Variants in MYO9A observed in about 807,000 individuals in gnomAD.
The protein encoded by MYO9A is unconventional myosin-IXa.
Under a neutral mutation model 293.3 loss-of-function variants are expected in MYO9A, and 103 were observed. The observed-to-expected ratio is 0.35, with a 90% confidence interval of 0.30 to 0.41. The LOEUF (loss-of-function observed/expected upper bound fraction) is 0.41, where lower values mean the gene tolerates loss of function less well. MYO9A is among the 10% of genes least tolerant of loss of function. The probability of loss-of-function intolerance (pLI) is 1.00; values close to 1 mark genes in which losing one functional copy is unlikely to be tolerated. For synonymous variants in MYO9A, 1,001 were observed against 1,035.7 expected (o/e 0.97, Z 0.64); for missense variants, 2,685 against 3,033.0 (o/e 0.89, Z 2.69).
intron 9 of MYO9A, among the ~76,000 whole-genome samples, chr15:71,998,389 C>T (rs988365745): frequency 1.3e-4 from 19 of 151,986 alleles, no homozygotes; most frequent in Non-Finnish European, 2.1e-4. Context: ...TACAACAAAC[C>T]CCCATGACAC....
At chr15:71,916,336 A>G in intron 19 of MYO9A, 34 bp downstream of exon 19, 1 of 1,598,210 alleles carries the variant, frequency 6.3e-7, no homozygotes, top group Non-Finnish European at 8.5e-7. Flanking sequence ...AAAGATACAG[A>G]TTCTTATTTG....
intron 13 of MYO9A, among the ~76,000 whole-genome samples, chr15:71,965,714 G>C (rs1186474587): frequency 6.6e-6 from 1 of 152,168 alleles, no homozygotes; most frequent in African/African-American, 2.4e-5. Flanking sequence ...ACTTCAGCCT[G>C]GCAAAAGAGC....
intron 11 of MYO9A, among the ~76,000 whole-genome samples, chr15:71,981,639 T>TTCTCTCTC (rs1485033171): frequency 7.4e-6 from 1 of 134,326 alleles, no homozygotes; most frequent in African/African-American, 2.8e-5. Context: ...TCTCTCTGTC[T>TTCTCTCTC]TGTCTCTCTC....
At chr15:71,849,152 T>C (rs2055521673) in intron 38 of MYO9A, among the ~76,000 whole-genome samples, 184 bp from the exon 39 acceptor site, 1 of 152,170 alleles carries the variant, frequency 6.6e-6, no homozygotes, top group African/African-American at 2.4e-5. Context: ...TTAGAAGCCA[T>C]CTAAAGAGCA....
intron 8 of MYO9A, among the ~76,000 whole-genome samples, chr15:72,006,256 TTTG>T (rs937643932): frequency 6.7e-5 from 10 of 150,214 alleles, no homozygotes; most frequent in African/African-American, 2.5e-4. Flanking sequence ...GTGTTTTTTT[TTTG>T]TTGTTGTTGT....
rs3028363 is a variant in MYO9A, at chr15:72,108,762, AT to A, written c.-72+8917del. Among the ~76,000 whole-genome samples, 26 of 139,224 alleles carry A rather than the reference AT, an allele frequency of 1.9e-4. 6 individuals carry two copies. Among genetic ancestry groups the A allele is most frequent in the Non-Finnish European group, 2.3e-4 (15 of 65,272 alleles). 91.3% of individuals were successfully genotyped at this position (139,224 alleles called of 152,430 possible). A position where few individuals can be genotyped will look rare whatever the true frequency, so the allele number is the denominator to read the frequency against. ...GCAGTAAACTTGTCATGACACATAC[AT>A]TTTTTTTTTTTTTTTTGAGACAGAG... On this transcript the variant is annotated intron_variant, in intron 1 of 41. Transcript: ENST00000356056.
intron 2 of MYO9A, among the ~76,000 whole-genome samples, chr15:72,036,967 A>C (rs1233642275): frequency 6.6e-6 from 1 of 151,888 alleles, no homozygotes; most frequent in Non-Finnish European, 1.5e-5. Context: ...TCCTGGGCTC[A>C]AGTGATCCAC....
At chr15:71,994,833 A>C (rs2076651863) in intron 9 of MYO9A, among the ~76,000 whole-genome samples, 1 of 152,232 alleles carries the variant, frequency 6.6e-6, no homozygotes, top group South Asian at 2.1e-4. Context: ...CCTGGGTTCA[A>C]GTGATTCTAC....
intron 32 of MYO9A, among the ~76,000 whole-genome samples, chr15:71,870,431 T>G (rs1008813753): frequency 2.0e-5 from 3 of 152,206 alleles, no homozygotes; most frequent in African/African-American, 7.2e-5. Flanking sequence ...TAAGACTTTT[T>G]AGAGTCATGT....
intron 21 of MYO9A, 128 bp downstream of exon 21, chr15:71,903,801 T>C (rs972214199): frequency 1.3e-6 from 1 of 777,888 alleles, no homozygotes; most frequent in African/African-American, 1.7e-5. Context: ...CAATTCCGTA[T>C]ACAAAACGTG....
intron 1 of MYO9A, among the ~76,000 whole-genome samples, chr15:72,098,096 AC>A (rs753075899): frequency 9.2e-5 from 14 of 152,228 alleles, no homozygotes; most frequent in East Asian, 7.7e-4. Flanking sequence ...TCCCACACAT[AC>A]TTTTACAATG....
At position 71,935,341 on chromosome 15, in the gene MYO9A, G is replaced by T; in HGVS notation, c.2522C>A (p.Thr841Lys). 1 of 1,612,836 alleles carries T rather than the reference G, an allele frequency of 6.2e-7. No individual in the cohort carries two copies. The highest frequency in any genetic ancestry group is 8.5e-7 in the Non-Finnish European group (1 of 1,179,246). The change falls in exon 17 of 42, where the codon ACG becomes AAG. Residue 841 changes from threonine to lysine, a missense_variant and splice_region_variant. Thr to Lys is a moderately conservative substitution (Grantham distance 78, BLOSUM62 -1). This residue lies in a region of MYO9A where 1,434 missense variants were observed against 1,497.7 expected (regional missense o/e 0.96). Coordinates refer to ENST00000356056, the MANE Select transcript of MYO9A (RefSeq NM_006901.4). ...ATTTACATTACTGATTAGTACTGAC[G>T]TGAGAATTCCATGGGCTCTCTCCAG... ...KLLERAHGIL[T>K]RNKNFKSKPA...
intron 11 of MYO9A, among the ~76,000 whole-genome samples, chr15:71,988,810 A>AT (rs2076467836): frequency 6.6e-6 from 1 of 152,178 alleles, no homozygotes; most frequent in African/African-American, 2.4e-5. Flanking sequence ...ATGTAAACCT[A>AT]TTACTGATTT....
chr15:71,870,226 A>G (rs2056464369), intron 32 of MYO9A, among the ~76,000 whole-genome samples: 1 of 152,180 alleles, frequency 6.6e-6, no homozygotes. Flanking sequence ...AAAAAAAAAA[A>G]AAGTGGTAAA....
At position 71,910,143 on chromosome 15, in the gene MYO9A, CGTGTGT is replaced by C. The variant is rs1225708540; in HGVS notation, c.2686-5143_2686-5138del. Among the ~76,000 whole-genome samples, 437 of 107,900 alleles carry C rather than the reference CGTGTGT, an allele frequency of 4.1e-3. 1 individual carries two copies. The highest frequency in any genetic ancestry group is 6.3e-3 in the Non-Finnish European group (327 of 52,256). 70.8% of individuals were successfully genotyped at this position (107,900 alleles called of 152,430 possible). On this transcript the variant is annotated intron_variant, in intron 19 of 41. Transcript: ENST00000356056. ...ATATATACACGTGTATATATATATACGTGTGTGTGTATATATATATACGTGTATATA... is the reference window on the plus strand; with the variant it reads ...ATATATACACGTGTATATATATATACGTGTATATATATATACGTGTATATA...
At chr15:72,090,954 G>C (rs991017427) in intron 1 of MYO9A, among the ~76,000 whole-genome samples, 1 of 149,916 alleles carries the variant, frequency 6.7e-6, no homozygotes, top group African/African-American at 2.4e-5. Flanking sequence ...TTGAGCCCAC[G>C]AGTTCAAGAA....
At chr15:72,020,840 G>T in intron 5 of MYO9A, 78 bp downstream of exon 5, 1 of 822,328 alleles carries the variant, frequency 1.2e-6, no homozygotes, top group Non-Finnish European at 1.8e-6. Context: ...GTTTGAGAAA[G>T]TACTAGAAAA....
At chr15:71,886,282 G>C (rs1000654710) in intron 27 of MYO9A, among the ~76,000 whole-genome samples, 1 of 151,680 alleles carries the variant, frequency 6.6e-6, no homozygotes, top group Non-Finnish European at 1.5e-5. Flanking sequence ...TCCTTACAGG[G>C]TTATCTGGTT....
intron 1 of MYO9A, among the ~76,000 whole-genome samples, chr15:72,047,197 T>A (rs1201219458): frequency 6.6e-6 from 1 of 152,160 alleles, no homozygotes; most frequent in Non-Finnish European, 1.5e-5. Context: ...TTCAAGGAAT[T>A]CTAGGCTCTG....
Sources: gnomAD v4.1 joint callset for allele counts (sites outside exome capture counted in the v4.1 genomes callset) on GRCh38, gnomAD v4.1.1 for gene constraint, gnomAD v4.1.1 regional missense constraint, MANE v1.5 for transcripts, NCBI Gene and HGNC (gene_info 2026-07-23, HGNC 2026-07-21) for gene names.